The following OR51B5 variants were observed in gnomAD, a reference collection of about 807,000 sequenced individuals.
OR51B5 encodes olfactory receptor 51B5.
For synonymous variants in OR51B5, 186 were observed against 144.8 expected (o/e 1.28, Z -2.04); for missense variants, 456 against 374.6 (o/e 1.22, Z -1.79).
At chr11:5,358,175 A>G (rs1390292608) in intron 1 of OR51B5, among the ~76,000 whole-genome samples, 1 of 152,194 alleles carries the variant, frequency 6.6e-6, no homozygotes, top group African/African-American at 2.4e-5. Flanking sequence ...GACACAAAAA[A>G]ACCCTTCAAA....
At chr11:5,460,714 C>T (rs1851037424) in intron 1 of OR51B5, among the ~76,000 whole-genome samples, 1 of 152,192 alleles carries the variant, frequency 6.6e-6, no homozygotes, top group Non-Finnish European at 1.5e-5. Flanking sequence ...CTGATGTTCC[C>T]TTAATCTTTG....
intron 1 of OR51B5, among the ~76,000 whole-genome samples, chr11:5,432,586 G>A (rs1378211897): frequency 6.6e-6 from 1 of 152,144 alleles, no homozygotes; most frequent in Non-Finnish European, 1.5e-5. Context: ...TCAAATTACT[G>A]AACATGTGAC....
At chr11:5,366,751 G>GTAT (rs777197183) in intron 1 of OR51B5, among the ~76,000 whole-genome samples, 11 of 151,542 alleles carry the variant, frequency 7.3e-5, no homozygotes, top group Non-Finnish European at 1.5e-4. Context: ...GGAAATCAGG[G>GTAT]TATTCACTTG....
intron 1 of OR51B5, among the ~76,000 whole-genome samples, chr11:5,355,791 G>T (rs564104659): frequency 6.6e-6 from 1 of 151,858 alleles, no homozygotes; most frequent in East Asian, 1.9e-4. Context: ...AGGGTCAAGG[G>T]GTATAGGGTA....
intron 1 of OR51B5, among the ~76,000 whole-genome samples, chr11:5,501,972 T>C (rs1846299153): frequency 6.6e-6 from 1 of 151,882 alleles, no homozygotes; most frequent in Non-Finnish European, 1.5e-5. Context: ...TGTGTCCATG[T>C]GTTCTCATTG....
chr11:5,440,656 G>A (rs180738396), intron 1 of OR51B5: 27 of 1,613,868 alleles, frequency 1.7e-5, no homozygotes, highest in Admixed American at 3.3e-5. Flanking sequence ...TTGAGCATGG[G>A]TGGTACAAAC....
chr11:5,391,308 T>A (rs886564863), intron 1 of OR51B5: 16 of 152,222 alleles, frequency 1.1e-4, no homozygotes, highest in African/African-American at 3.9e-4. Flanking sequence ...CCCTTTCCAA[T>A]GGTAAAGCAC....
intron 1 of OR51B5, among the ~76,000 whole-genome samples, chr11:5,441,749 G>A (rs1850692567): frequency 6.6e-6 from 1 of 152,278 alleles, no homozygotes; most frequent in East Asian, 1.9e-4. Context: ...GTGGTTTGAT[G>A]ATCAAATGAG....
chr11:5,487,184 G>A (rs1378510263), intron 1 of OR51B5, among the ~76,000 whole-genome samples: 1 of 152,050 alleles, frequency 6.6e-6, no homozygotes, highest in African/African-American at 2.4e-5. Context: ...CACTTCTCTG[G>A]GATTGGTCTT....
intron 1 of OR51B5, among the ~76,000 whole-genome samples, chr11:5,398,220 AAAG>A (rs924548864): frequency 1.3e-5 from 2 of 152,158 alleles, no homozygotes; most frequent in Admixed American, 6.5e-5. Context: ...AAGTTAGAAA[AAAG>A]AAATTTACAT....
At chr11:5,463,311 T>C (rs1851088022) in intron 1 of OR51B5, among the ~76,000 whole-genome samples, 1 of 152,234 alleles carries the variant, frequency 6.6e-6, no homozygotes. Flanking sequence ...AGCCAAACTT[T>C]CTACAGATTT....
rs367616554 is a variant in OR51B5, at chr11:5,450,796, G to A, written n.84+54773C>T. ...AGAAGAGAGTCACTGTTCAACTCCC[G>A]CTTATGAGTGAGAGCATGCGGTGTT... On this transcript the variant is annotated intron_variant and non_coding_transcript_variant, in intron 1 of 4. Coordinates refer to the OR51B5 transcript ENST00000415970. 7.2e-5 allele frequency among the ~76,000 whole-genome samples: 11 copies of A among 152,228 alleles called. No individual in the cohort carries two copies. The East Asian group carries it at 1.7e-3, about 24-fold the overall frequency.
chr11:5,497,020 C>T (rs1851659242), intron 1 of OR51B5, among the ~76,000 whole-genome samples: 1 of 147,162 alleles, frequency 6.8e-6, no homozygotes, highest in South Asian at 2.3e-4. Context: ...ATCCCATCCA[C>T]AGAAGATGGT....
chr11:5,427,843 A>G (rs1246741026), intron 1 of OR51B5, among the ~76,000 whole-genome samples: 2 of 152,196 alleles, frequency 1.3e-5, no homozygotes, highest in African/African-American at 4.8e-5. Flanking sequence ...CATCAAATTT[A>G]AATTATGTAC....
intron 1 of OR51B5, among the ~76,000 whole-genome samples, chr11:5,416,413 G>GA (rs781628350): frequency 2.0e-5 from 3 of 152,150 alleles, no homozygotes; most frequent in Non-Finnish European, 2.9e-5. Flanking sequence ...CATAGTGTTG[G>GA]AAGTTCTGGC....
intron 1 of OR51B5, among the ~76,000 whole-genome samples, chr11:5,416,344 G>T (rs933567962): frequency 6.6e-6 from 1 of 151,560 alleles, no homozygotes; most frequent in Non-Finnish European, 1.5e-5. Flanking sequence ...AAAACTGGAA[G>T]CATTCCCTTT....
chr11:5,378,405 G>C (rs922254931), intron 1 of OR51B5, among the ~76,000 whole-genome samples: 3 of 152,050 alleles, frequency 2.0e-5, no homozygotes, highest in African/African-American at 4.8e-5. Flanking sequence ...GCATGGGCAA[G>C]GACTTCATGT....
chr11:5,342,883 G>A (rs775295715), exon 1 of OR51B5: 1 of 1,613,352 alleles, frequency 6.2e-7, no homozygotes, highest in Non-Finnish European at 8.5e-7. Context: ...ACACATAGGA[G>A]ATGAAGATAA....
intron 1 of OR51B5, among the ~76,000 whole-genome samples, chr11:5,413,127 C>T (rs769316833): frequency 8.5e-5 from 13 of 152,158 alleles, no homozygotes; most frequent in South Asian, 4.1e-4. Flanking sequence ...TCGCGGTTCA[C>T]GAAAAACCAC....
Sources: gnomAD v4.1 joint callset for allele counts (sites outside exome capture counted in the v4.1 genomes callset) on GRCh38, gnomAD v4.1.1 for gene constraint, MANE v1.5 for transcripts, NCBI Gene and HGNC (gene_info 2026-07-23, HGNC 2026-07-21) for gene names.